Variants in KIF13B observed in about 807,000 individuals in gnomAD.
The protein encoded by KIF13B is kinesin-like protein KIF13B.
Under a neutral mutation model 222.0 loss-of-function variants are expected in KIF13B, and 127 were observed. That is an observed-to-expected ratio of 0.57 (90% confidence interval 0.50 to 0.66). The LOEUF (loss-of-function observed/expected upper bound fraction) is 0.66, where lower values mean the gene tolerates loss of function less well. Ranked by LOEUF, KIF13B falls within the 30% of genes least tolerant of loss-of-function variation. The probability of loss-of-function intolerance (pLI) is 0.00; values close to 1 mark genes in which losing one functional copy is unlikely to be tolerated. For synonymous variants in KIF13B, 976 were observed against 919.0 expected (o/e 1.06, Z -1.12); for missense variants, 2,173 against 2,379.0 (o/e 0.91, Z 1.80).
chr8:29,115,464 T>C (rs1023709227), intron 31 of KIF13B, among the ~76,000 whole-genome samples: 1 of 151,718 alleles, frequency 6.6e-6, no homozygotes, highest in Admixed American at 6.6e-5. Flanking sequence ...GTAGCTGAGA[T>C]TGCAGGCACC....
chr8:29,097,741 G>C (rs1256506397), intron 36 of KIF13B, among the ~76,000 whole-genome samples: 5 of 152,008 alleles, frequency 3.3e-5, no homozygotes, highest in Non-Finnish European at 5.9e-5. Flanking sequence ...AATTGCAATA[G>C]AAAAAGCCAA....
chr8:29,069,974 T>G lies in KIF13B; in HGVS notation c.*530A>C. On this transcript the variant is annotated 3_prime_UTR_variant, in exon 40 of 40. Coordinates refer to ENST00000524189, the MANE Select transcript of KIF13B (RefSeq NM_015254.4). ...GCACTTGTGGAACCTGGGACCAGGG[T>G]GGGAGGCTGGGGGGTCCCCCAGAGG... is the stretch of plus-strand genomic sequence containing the variant. 1 of 107,932 alleles carries G rather than the reference T, an allele frequency of 9.3e-6. No individual in the cohort carries two copies. Among genetic ancestry groups the G allele is most frequent in the Non-Finnish European group, 1.8e-5 (1 of 55,586 alleles). 6.7% of individuals were successfully genotyped at this position (107,932 alleles called of 1,614,324 possible).
chr8:29,144,342 C>A (rs1273013362), intron 18 of KIF13B, among the ~76,000 whole-genome samples: 2 of 152,024 alleles, frequency 1.3e-5, no homozygotes, highest in African/African-American at 4.8e-5. Context: ...CTCACTGCAA[C>A]CTCCGCCTGG....
At chr8:29,233,246 A>G (rs1036843213) in intron 2 of KIF13B, among the ~76,000 whole-genome samples, 4 of 152,188 alleles carry the variant, frequency 2.6e-5, no homozygotes, top group African/African-American at 9.7e-5. Flanking sequence ...AAACCCTATC[A>G]ATAGCAAGAG....
intron 2 of KIF13B, among the ~76,000 whole-genome samples, chr8:29,207,931 C>T (rs982523224): frequency 3.9e-5 from 6 of 152,140 alleles, no homozygotes; most frequent in African/African-American, 1.4e-4. Flanking sequence ...CAGTCTGGGG[C>T]AGGCACCATG....
At chr8:29,129,228 A>C (rs1205047796) in intron 24 of KIF13B, among the ~76,000 whole-genome samples, 1 of 152,252 alleles carries the variant, frequency 6.6e-6, no homozygotes, top group East Asian at 1.9e-4. Context: ...AAATACTTAA[A>C]TATCCAATTT....
Position 29,143,266 on chromosome 8 carries a change from T to C in KIF13B, c.2188-963A>G, listed in dbSNP as rs1257392012. ...CACCATATGACCACAACGTTATCAA[T>C]GGGGAGAGAGGGAAAGTTTGCTGCG... On this transcript the variant is annotated intron_variant, in intron 18 of 39. Coordinates refer to ENST00000524189, the MANE Select transcript of KIF13B (RefSeq NM_015254.4). Among the ~76,000 whole-genome samples the C allele has an allele frequency of 2.6e-5, 4 of 152,174 alleles. No homozygotes were observed. The East Asian group carries it at 7.7e-4, about 29-fold the overall frequency.
chr8:29,257,808 T>C (rs558273533), intron 1 of KIF13B, among the ~76,000 whole-genome samples: 6 of 151,762 alleles, frequency 4.0e-5, no homozygotes, highest in African/African-American at 1.5e-4. Flanking sequence ...GGAGACCCTG[T>C]CTCAAAAAAA....
At chr8:29,177,932 TTC>T (rs1434055554) in intron 8 of KIF13B, among the ~76,000 whole-genome samples, 2 of 152,062 alleles carry the variant, frequency 1.3e-5, no homozygotes, top group African/African-American at 2.4e-5. Flanking sequence ...CAAAAAGCAG[TTC>T]TGTCACAACC....
At position 29,147,501 on chromosome 8, in the gene KIF13B, G is replaced by T; in HGVS notation, c.1915C>A (p.Gln639Lys). The T allele has an allele frequency of 6.2e-7, 1 of 1,613,638 alleles. No individual in the cohort carries two copies. The highest frequency in any genetic ancestry group is 8.5e-7 in the Non-Finnish European group (1 of 1,179,784). Residue 639 changes from glutamine (Q) to lysine (K), a missense_variant, in exon 17 of 40, where the codon CAG becomes AAG. Around this residue, in one of 2 missense-constraint regions of KIF13B, gnomAD observed 1,480 missense variants for 1,722.8 expected, o/e 0.86. Transcript: ENST00000524189. ...QRLMYEHELE[Q>K]LRRRLSPEKQ... ...TCAGGAGACAGCCTTCTCCGGAGCTGCTCCAATTCGTGCTCATACATAAGC... is the reference window on the plus strand; with the variant it reads ...TCAGGAGACAGCCTTCTCCGGAGCTTCTCCAATTCGTGCTCATACATAAGC...
chr8:29,202,117 C>T (rs535448599), intron 2 of KIF13B, among the ~76,000 whole-genome samples: 18 of 152,114 alleles, frequency 1.2e-4, no homozygotes, highest in Admixed American at 3.3e-4. Context: ...ATTCAGGAGG[C>T]GGGGGGATTT....
At chr8:29,148,451 A>G (rs942322416) in intron 16 of KIF13B, 126 bp downstream of exon 16, 3 of 530,024 alleles carry the variant, frequency 5.7e-6, no homozygotes, top group African/African-American at 2.0e-5. Context: ...CAGGCTAAAG[A>G]GCAGTGGTTA....
At chr8:29,072,407 C>A in intron 38 of KIF13B, 91 bp from the exon 39 acceptor site, 1 of 855,694 alleles carries the variant, frequency 1.2e-6, no homozygotes, top group Non-Finnish European at 1.6e-6. Flanking sequence ...GAGCATGAGG[C>A]CAGGGGCAGT....
chr8:29,260,161 A>G (rs890095691), intron 1 of KIF13B, among the ~76,000 whole-genome samples: 1 of 152,188 alleles, frequency 6.6e-6, no homozygotes, highest in Non-Finnish European at 1.5e-5. Flanking sequence ...AAACCCACAT[A>G]CAGTTTAGCA....
chr8:29,254,309 CTAAAAA>C (rs756316113), intron 1 of KIF13B, among the ~76,000 whole-genome samples: 3 of 152,122 alleles, frequency 2.0e-5, no homozygotes, highest in Non-Finnish European at 4.4e-5. Flanking sequence ...TCACAAGCAA[CTAAAAA>C]TAAACTGGAC....
At chr8:29,197,770 A>C (rs1036398337) in intron 2 of KIF13B, among the ~76,000 whole-genome samples, 1 of 152,238 alleles carries the variant, frequency 6.6e-6, no homozygotes, top group Non-Finnish European at 1.5e-5. Flanking sequence ...CAGAACAACA[A>C]CACAACAAAC....
At chr8:29,072,353 A>G in intron 38 of KIF13B, 37 bp from the exon 39 acceptor site, 1 of 1,343,142 alleles carries the variant, frequency 7.4e-7, no homozygotes, top group Non-Finnish European at 9.7e-7. Flanking sequence ...TGAGAACAGA[A>G]AACTTTCCAA....
At chr8:29,212,595 G>C (rs1586932950) in intron 2 of KIF13B, among the ~76,000 whole-genome samples, 1 of 151,924 alleles carries the variant, frequency 6.6e-6, no homozygotes, top group African/African-American at 2.4e-5. Context: ...CCATCACACT[G>C]ATTTTTCTGT....
intron 2 of KIF13B, among the ~76,000 whole-genome samples, chr8:29,229,292 G>C (rs1815181402): frequency 6.6e-6 from 1 of 152,116 alleles, no homozygotes; most frequent in Non-Finnish European, 1.5e-5. Flanking sequence ...GAGAAGCTGT[G>C]AGCTCATCTA....
Sources: allele counts gnomAD v4.1 joint callset (sites outside exome capture counted in the v4.1 genomes callset), GRCh38; gene constraint gnomAD v4.1.1; regional missense constraint gnomAD v4.1.1; transcripts MANE v1.5; gene names NCBI Gene and HGNC (gene_info 2026-07-23, HGNC 2026-07-21).